Variants in USP19 observed in about 807,000 individuals in gnomAD.
USP19 encodes ubiquitin specific peptidase 19.
Under a neutral mutation model 144.8 loss-of-function variants are expected in USP19, and 40 were observed. That is an observed-to-expected ratio of 0.28 (90% CI 0.21 to 0.36). USP19 has a LOEUF of 0.36. USP19 is among the 10% of genes least tolerant of loss of function. USP19 has a pLI of 1.00. For synonymous variants in USP19, 701 were observed against 709.3 expected (o/e 0.99, Z 0.19); for missense variants, 1,518 against 1,822.5 (o/e 0.83, Z 3.04).
In USP19 at chr3:49,112,426, C is replaced by G. The variant is rs750132983; in HGVS notation, c.2647-24G>C. 3 of 1,613,806 alleles carry G rather than the reference C, an allele frequency of 1.9e-6. No homozygotes were observed. Among genetic ancestry groups the G allele is most frequent in the Non-Finnish European group, 2.5e-6 (3 of 1,179,922 alleles). On this transcript the variant is annotated intron_variant, in intron 18 of 26. Transcript: ENST00000417901. This position sits in a 1 kb window ranked among gnomAD's most constrained non-coding sequence, Gnocchi z 4.9. Reference sequence around the variant, plus strand: ...CGCTAGGGTGGGTCGTCTGGCTCAGCAAGACCAGGAAGAAGTGCCCCACCC... The same window carrying G: ...CGCTAGGGTGGGTCGTCTGGCTCAGGAAGACCAGGAAGAAGTGCCCCACCC...
rs2044146357 is a variant in USP19 at position 49,116,434 on chromosome 3, A to G, written c.1283+17T>C. 6.2e-7 allele frequency: 1 copy of G among 1,614,008 alleles called. No homozygotes were observed. Among genetic ancestry groups the G allele is most frequent in the Admixed American group, 1.7e-5 (1 of 60,008 alleles). ...TCCCACCTGAGGCATTGTTTGCCCC[A>G]TCATCTACCCACCCACCTGGTCTGG... On this transcript the variant is annotated intron_variant, in intron 8 of 26. Transcript: ENST00000417901. This position sits in a 1 kb window ranked among gnomAD's most constrained non-coding sequence, Gnocchi z 5.0.
Position 49,111,836 on chromosome 3 carries a change from G to T in USP19, c.2904-23C>A, listed in dbSNP as rs1172573124. 6.3e-7 allele frequency: 1 copy of T among 1,586,284 alleles called. No homozygotes were observed. Among genetic ancestry groups the T allele is most frequent in the Non-Finnish European group, 8.6e-7 (1 of 1,164,734 alleles). Reference sequence around the variant, plus strand: ...TACCTGGCAACAGAGAACAACGCAAGTAAGACTCCTGACCAGCCCATCTAG... The same window carrying T: ...TACCTGGCAACAGAGAACAACGCAATTAAGACTCCTGACCAGCCCATCTAG... On this transcript the variant is annotated intron_variant, in intron 20 of 26. Transcript: ENST00000417901. The surrounding 1 kb of genome is among the most constrained non-coding windows in gnomAD (Gnocchi z 5.9).
Position 49,108,417 on chromosome 3 carries a change from C to T in USP19, c.4150G>A (p.Asp1384Asn). 2 of 1,393,638 alleles carry T rather than the reference C, an allele frequency of 1.4e-6. No individual in the cohort carries two copies. Among genetic ancestry groups the T allele is most frequent in the Non-Finnish European group, 1.9e-6 (2 of 1,057,006 alleles). The allele number at this position is 1,393,638 out of a possible 1,614,324, so 86.3% of individuals were successfully genotyped here. Residue 1384 changes from aspartate to asparagine, a missense_variant, in exon 27 of 27, where the codon GAT (aspartate) becomes AAT (asparagine). Asp to Asn is a conservative substitution (Grantham distance 23, BLOSUM62 1). Transcript: ENST00000417901. The surrounding 1 kb of genome is among the most constrained non-coding windows in gnomAD (Gnocchi z 4.8). Reference sequence around the variant, plus strand: ...CCCCATCAGCCAGGGACCTGCTAATCCACCTCCTCCATGTTGCTGTAGGTG... The same window carrying T: ...CCCCATCAGCCAGGGACCTGCTAATTCACCTCCTCCATGTTGCTGTAGGTG... The part of the protein sequence containing the change: ...APTYSNMEEV[D>N]
Position 49,115,307 on chromosome 3 carries a change from C to A in USP19, c.1943G>T (p.Arg648Leu). 2 of 1,614,176 alleles carry A rather than the reference C, an allele frequency of 1.2e-6. No individual in the cohort carries two copies. Among genetic ancestry groups the A allele is most frequent in the Non-Finnish European group, 1.7e-6 (2 of 1,180,032 alleles). The change falls in exon 13 of 27, where the codon CGT becomes CTT. Residue 648 changes from arginine to leucine, a missense_variant. Coordinates refer to ENST00000417901, the MANE Select transcript of USP19 (RefSeq NM_001199161.2). The surrounding 1 kb of genome is among the most constrained non-coding windows in gnomAD (Gnocchi z 6.6). ...CAGCACGGCAAAGCCAATGGCCAGA[C>A]GCCCACCAGTCCCTAGTGGGTTGTT... ...NYNNPLGTGG[R>L]LAIGFAVLLR...
intron 17 of USP19, among the ~76,000 whole-genome samples, chr3:49,113,463 A>G (rs2043521993): frequency 6.6e-6 from 1 of 152,078 alleles, no homozygotes; most frequent in Non-Finnish European, 1.5e-5. Flanking sequence ...TATTTTTAGT[A>G]GAGGTGGGGT....
At position 49,117,272 on chromosome 3, in the gene USP19, G is replaced by C; in HGVS notation, c.696C>G (p.Gly232=). The C allele has an allele frequency of 1.3e-6, 2 of 1,569,022 alleles. No individual in the cohort carries two copies. Among genetic ancestry groups the C allele is most frequent in the Non-Finnish European group, 1.7e-6 (2 of 1,157,040 alleles). Reference sequence around the variant, plus strand: ...CCTGCTTAGCCCGGTGGGGCTCAGGGCCTGGCTCCAGGGCAATGGGAGACA... The same window carrying C: ...CCTGCTTAGCCCGGTGGGGCTCAGGCCCTGGCTCCAGGGCAATGGGAGACA... ...QELSPIALEP[G]PEPHRAKQEA... The change falls in exon 6 of 27, where the codon GGC becomes GGG. Residue 232 remains glycine (G), a synonymous_variant. Coordinates refer to ENST00000417901, the MANE Select transcript of USP19 (RefSeq NM_001199161.2). This position sits in a 1 kb window ranked among gnomAD's most constrained non-coding sequence, Gnocchi z 4.4.
intron 1 of USP19, chr3:49,120,519 C>T (rs1175044088): frequency 1.3e-5 from 2 of 152,562 alleles, no homozygotes; most frequent in Non-Finnish European, 2.9e-5. Flanking sequence ...CTCTGAACCC[C>T]GAGCCCGCCA....
intron 2 of USP19, among the ~76,000 whole-genome samples, chr3:49,118,434 G>A (rs909072111): frequency 1.1e-4 from 16 of 151,996 alleles, no homozygotes; most frequent in Non-Finnish European, 4.4e-5. Flanking sequence ...TGAGTGTGGT[G>A]GTGCATACCT....
intron 2 of USP19, 104 bp from the exon 3 acceptor site, chr3:49,118,224 C>A: frequency 1.7e-6 from 1 of 575,624 alleles, no homozygotes; most frequent in Non-Finnish European, 3.0e-6. Context: ...ACGATCACAC[C>A]TGCACTGCAC....
intron 26 of USP19, among the ~76,000 whole-genome samples, chr3:49,109,532 C>T (rs896626572): frequency 1.3e-5 from 2 of 152,232 alleles, no homozygotes; most frequent in Non-Finnish European, 2.9e-5. Context: ...GAGCAATCTC[C>T]TTGCTCCTTC....
Position 49,117,390 on chromosome 3 carries a change from T to C in USP19, c.607-29A>G, listed in dbSNP as rs772230933. The C allele has an allele frequency of 3.1e-6, 5 of 1,607,648 alleles. No homozygotes were observed. In the South Asian group the frequency reaches 5.5e-5, roughly 18 times the overall value. ...CCAAAGATACAGCAGTCAGGCCCTG[T>C]CGACTACACTGGTATCCCTACCCAA... On this transcript the variant is annotated intron_variant, in intron 5 of 26. Transcript: ENST00000417901. The surrounding 1 kb of genome is among the most constrained non-coding windows in gnomAD (Gnocchi z 4.4).
chr3:49,119,200 G>A lies in USP19; in HGVS notation c.-55C>T. The A allele has an allele frequency of 2.5e-6, 4 of 1,574,340 alleles. No homozygotes were observed. Among genetic ancestry groups the A allele is most frequent in the Non-Finnish European group, 3.4e-6 (4 of 1,162,918 alleles). On this transcript the variant is annotated 5_prime_UTR_variant, in exon 2 of 27. Coordinates refer to ENST00000417901, the MANE Select transcript of USP19 (RefSeq NM_001199161.2). ...CCCCGGGGTCGGCAACAGCGTCTGG[G>A]TCAGGGCTGCGGCGCTTTCTTCCTG...
At position 49,115,447 on chromosome 3, in the gene USP19, G is replaced by T. The variant is rs1201861979; in HGVS notation, c.1885C>A (p.His629Asn). 1.9e-6 allele frequency: 3 copies of T among 1,613,790 alleles called. No individual in the cohort carries two copies. In the African/African-American group the frequency reaches 4.0e-5, roughly 22 times the overall value. ...SNTRELRDFF[H>N]DRSFEAEINY... ...AGGCTCCAGGCCCTGCCCTCACCAT[G>T]GAAGAAGTCCCGGAGTTCCCGAGTG... The change falls in exon 12 of 27, where the codon CAT becomes AAT. Residue 629 changes from histidine (H) to asparagine (N), a missense_variant. Physicochemically the swap from His to Asn is moderately conservative, Grantham distance 68. Transcript: ENST00000417901. The surrounding 1 kb of genome is among the most constrained non-coding windows in gnomAD (Gnocchi z 6.6).
At chr3:49,109,919 T>C in intron 26 of USP19, 1 of 334,566 alleles carries the variant, frequency 3.0e-6, no homozygotes, top group Non-Finnish European at 5.4e-6. Context: ...CCCAGTGAGG[T>C]TCAGAGCAGT....
chr3:49,119,107 C>A lies in USP19; in HGVS notation c.39G>T (p.Gly13=). 1.2e-6 allele frequency: 2 copies of A among 1,613,846 alleles called. No individual in the cohort carries two copies. Among genetic ancestry groups the A allele is most frequent in the Non-Finnish European group, 8.5e-7 (1 of 1,179,944 alleles). Residue 13 remains glycine, a synonymous_variant, in exon 2 of 27, where the codon GGG becomes GGT. Coordinates refer to ENST00000417901, the MANE Select transcript of USP19 (RefSeq NM_001199161.2). ...GGASATGPRR[G]PPGLEDTTSK... is the part of the protein sequence containing the mutation. ...TAGTGGTGTCCTCCAGTCCTGGGGG[C>A]CCTCTCCTTGGGCCTGTGGCACTGG...
Position 49,110,039 on chromosome 3 carries a change from T to C in USP19, c.4038+145A>G, listed in dbSNP as rs772200589. Reference sequence around the variant, plus strand: ...GCATGGGGATGCCTCTGGCTAAAGCTTTGATGTTAAGAGAACTCTGCAATT... The same window carrying C: ...GCATGGGGATGCCTCTGGCTAAAGCCTTGATGTTAAGAGAACTCTGCAATT... On this transcript the variant is annotated intron_variant, in intron 26 of 26. Transcript: ENST00000417901. This position sits in a 1 kb window ranked among gnomAD's most constrained non-coding sequence, Gnocchi z 6.1. 1.1e-5 allele frequency: 11 copies of C among 993,942 alleles called. No individual in the cohort carries two copies. The highest frequency in any genetic ancestry group is 1.5e-5 in the Non-Finnish European group (11 of 728,030). 61.6% of individuals were successfully genotyped at this position (993,942 alleles called of 1,614,324 possible).
chr3:49,109,970 T>G, intron 26 of USP19: 2 of 478,502 alleles, frequency 4.2e-6, no homozygotes, highest in Non-Finnish European at 6.9e-6. Context: ...TGCTTGCCAG[T>G]GGCAGCATGT....
Position 49,115,517 on chromosome 3 carries a change from T to C in USP19, c.1815A>G (p.Leu605=), listed in dbSNP as rs1248141099. 6.2e-7 allele frequency: 1 copy of C among 1,614,104 alleles called. No individual in the cohort carries two copies. Among genetic ancestry groups the C allele is most frequent in the Non-Finnish European group, 8.5e-7 (1 of 1,180,048 alleles). Residue 605 remains leucine, a synonymous_variant, in exon 12 of 27, where the codon TTA becomes TTG. Transcript: ENST00000417901. The surrounding 1 kb of genome is among the most constrained non-coding windows in gnomAD (Gnocchi z 6.6). Reference sequence around the variant, plus strand: ...CGCTGTTCATGAAGCAGGTGTTGCCTAAATTGACAAGGCCAGTGAAGCCTG... The same window carrying C: ...CGCTGTTCATGAAGCAGGTGTTGCCCAAATTGACAAGGCCAGTGAAGCCTG... The part of the protein sequence containing the change: ...CLPGFTGLVN[L]GNTCFMNSVI...
At position 49,110,397 on chromosome 3, in the gene USP19, G is replaced by C. The variant is rs1166961107; in HGVS notation, c.3860-35C>G. 3.1e-6 allele frequency: 5 copies of C among 1,603,530 alleles called. No individual in the cohort carries two copies. Among genetic ancestry groups the C allele is most frequent in the Non-Finnish European group, 4.3e-6 (5 of 1,173,476 alleles). ...GGTGGGAAGAGTGTGAACAAAGTCT[G>C]CACCACCACCCCTACCACCTATCCT... On this transcript the variant is annotated intron_variant, in intron 25 of 26. Transcript: ENST00000417901. The surrounding 1 kb of genome is among the most constrained non-coding windows in gnomAD (Gnocchi z 6.1).
Sources: gnomAD v4.1 joint callset for allele counts (sites outside exome capture counted in the v4.1 genomes callset) on GRCh38, gnomAD v4.1.1 for gene constraint, Gnocchi (gnomAD v3.1) non-coding constraint, MANE v1.5 for transcripts, NCBI Gene and HGNC (gene_info 2026-07-23, HGNC 2026-07-21) for gene names.